The following CSMD1 variants were observed in gnomAD, a reference collection of about 807,000 sequenced individuals.
The protein encoded by CSMD1 is CUB and Sushi multiple domains 1.
A neutral mutation model predicts 417.5 loss-of-function variants in CSMD1; 213 were observed. The ratio of observed to expected loss-of-function variants is 0.51; its 90% CI spans 0.46 to 0.57. CSMD1 has a LOEUF of 0.57. Among genes scored for constraint, CSMD1 ranks in the 20% least tolerant of loss-of-function variants. The pLI is 0.00. For missense variants in CSMD1, 6,923 were observed against 4,529.7 expected (o/e 1.53, Z -15.17); for synonymous variants, 2,862 against 1,736.8 (o/e 1.65, Z -16.11).
intron 3 of CSMD1, among the ~76,000 whole-genome samples, chr8:4,038,696 G>T: frequency 6.6e-6 from 1 of 152,106 alleles, no homozygotes. Context: ...TCCCATAGAT[G>T]CTTCAAGAAA....
In CSMD1 at chr8:4,848,000, G is replaced by A. The variant is rs143745822; in HGVS notation, c.85+146332C>T. Among the ~76,000 whole-genome samples the A allele has an allele frequency of 2.4e-3, 359 of 152,170 alleles. 1 individual carries two copies. The highest frequency in any genetic ancestry group is 7.9e-3 in the African/African-American group (327 of 41,510). On this transcript the variant is annotated intron_variant, in intron 1 of 69. Transcript: ENST00000635120. The stretch of plus-strand genomic sequence containing the variant: ...ACACCACCCTCTCCTTCCAGGGCCC[G>A]AACAACAACTCGTCTTCTTTTGTCT...
intron 69 of CSMD1, among the ~76,000 whole-genome samples, chr8:2,940,644 C>G (rs1801805322): frequency 1.3e-5 from 2 of 152,138 alleles, no homozygotes; most frequent in African/African-American, 4.8e-5. Context: ...TTGGATATAG[C>G]CCCCAATGCT....
intron 5 of CSMD1, among the ~76,000 whole-genome samples, chr8:3,909,727 A>G (rs1808337536): frequency 6.6e-6 from 1 of 152,112 alleles, no homozygotes; most frequent in South Asian, 2.1e-4. Context: ...AGCAAAGGCA[A>G]AAGTTTAGGG....
intron 2 of CSMD1, among the ~76,000 whole-genome samples, chr8:4,436,852 T>C (rs1257825353): frequency 2.0e-5 from 3 of 152,168 alleles, no homozygotes; most frequent in Non-Finnish European, 4.4e-5. Flanking sequence ...GTGAATCTCA[T>C]CCTTTTTGTG....
At chr8:3,827,444 A>T (rs192593463) in intron 5 of CSMD1, among the ~76,000 whole-genome samples, 1 of 152,330 alleles carries the variant, frequency 6.6e-6, no homozygotes, top group African/African-American at 2.4e-5. Context: ...TTAAGCAAAT[A>T]TTTTAATAGT....
At chr8:4,516,844 T>G (rs1362103139) in intron 2 of CSMD1, among the ~76,000 whole-genome samples, 1 of 152,110 alleles carries the variant, frequency 6.6e-6, no homozygotes, top group East Asian at 1.9e-4. Context: ...CAGCATGATA[T>G]AGCCAATTTT....
chr8:4,939,563 G>C (rs576758155), intron 1 of CSMD1, among the ~76,000 whole-genome samples: 1 of 151,546 alleles, frequency 6.6e-6, no homozygotes, highest in Admixed American at 6.6e-5. Context: ...AATATCACAT[G>C]ATCTTGCTTA....
chr8:3,799,870 A>G (rs77384113), intron 5 of CSMD1, among the ~76,000 whole-genome samples: 2,292 of 152,284 alleles, frequency 0.015, 59 homozygotes, highest in African/African-American at 0.051. Context: ...CCTGAATTTA[A>G]GCTACATTGC....
chr8:4,499,116 G>C (rs998532259), intron 2 of CSMD1, among the ~76,000 whole-genome samples: 1 of 152,176 alleles, frequency 6.6e-6, no homozygotes, highest in African/African-American at 2.4e-5. Context: ...AGTCATTTCT[G>C]TTTAGGGATT....
At chr8:4,785,239 A>G (rs1245120370) in intron 1 of CSMD1, among the ~76,000 whole-genome samples, 3 of 152,154 alleles carry the variant, frequency 2.0e-5, no homozygotes, top group African/African-American at 4.8e-5. Flanking sequence ...GTTAGTCTAG[A>G]GCAGTCATGA....
intron 1 of CSMD1, among the ~76,000 whole-genome samples, chr8:4,679,559 A>AT (rs1487220759): frequency 1.3e-5 from 2 of 152,034 alleles, no homozygotes; most frequent in African/African-American, 4.8e-5. Context: ...AGCACAGATA[A>AT]TTTTTTTCAC....
intron 1 of CSMD1, among the ~76,000 whole-genome samples, chr8:4,852,693 G>A (rs1453302028): frequency 6.6e-6 from 1 of 152,174 alleles, no homozygotes; most frequent in Non-Finnish European, 1.5e-5. Context: ...AAGACGACAG[G>A]AAGATGAGGG....
At chr8:4,467,133 A>G (rs1439271064) in intron 2 of CSMD1, among the ~76,000 whole-genome samples, 6 of 149,820 alleles carry the variant, frequency 4.0e-5, no homozygotes, top group Non-Finnish European at 5.9e-5. Context: ...AAAAAAAAAA[A>G]AAAAAAAGAA....
intron 1 of CSMD1, among the ~76,000 whole-genome samples, chr8:4,794,754 T>C (rs1450887507): frequency 6.6e-6 from 1 of 152,172 alleles, no homozygotes; most frequent in Non-Finnish European, 1.5e-5. Context: ...TATTGAGCCA[T>C]TTGAATTCCA....
chr8:3,930,230 G>A (rs1184941837), intron 5 of CSMD1, among the ~76,000 whole-genome samples: 4 of 150,238 alleles, frequency 2.7e-5, no homozygotes, highest in African/African-American at 7.4e-5. Context: ...TAAAGTAGAG[G>A]TCCTTCTTCA....
At chr8:4,519,851 A>G (rs181121917) in intron 2 of CSMD1, among the ~76,000 whole-genome samples, 1 of 150,178 alleles carries the variant, frequency 6.7e-6, no homozygotes, top group East Asian at 2.0e-4. Context: ...TTATAGGATG[A>G]CGAAATTCAC....
intron 3 of CSMD1, among the ~76,000 whole-genome samples, chr8:4,219,441 T>C (rs766746903): frequency 1.3e-5 from 2 of 152,192 alleles, no homozygotes; most frequent in Non-Finnish European, 2.9e-5. Context: ...CTGATCATAA[T>C]TCATACCCGA....
At chr8:3,874,655 C>T (rs186039030) in intron 5 of CSMD1, among the ~76,000 whole-genome samples, 39 of 152,206 alleles carry the variant, frequency 2.6e-4, no homozygotes, top group Non-Finnish European at 1.3e-4. Context: ...AAGAAGCTGC[C>T]ATGTTTTTCT....
At chr8:4,254,670 T>C (rs569885850) in intron 3 of CSMD1, among the ~76,000 whole-genome samples, 21 of 152,302 alleles carry the variant, frequency 1.4e-4, no homozygotes, top group African/African-American at 3.9e-4. Context: ...AGGTGTACCA[T>C]TCTTACGTTT....
Sources: allele counts gnomAD v4.1 joint callset (sites outside exome capture counted in the v4.1 genomes callset), GRCh38; gene constraint gnomAD v4.1.1; transcripts MANE v1.5; gene names NCBI Gene and HGNC (gene_info 2026-07-23, HGNC 2026-07-21).